Variants in VPS13D observed in about 807,000 individuals in gnomAD.
VPS13D encodes the protein intermembrane lipid transfer protein VPS13D.
A neutral mutation model predicts 461.9 loss-of-function variants in VPS13D; 187 were observed. The observed-to-expected ratio is 0.40, with a 90% CI of 0.36 to 0.46. The LOEUF is 0.46. VPS13D is among the 20% of genes least tolerant of loss of function. VPS13D has a pLI of 0.60. For missense variants in VPS13D, 4,711 were observed against 5,364.9 expected (o/e 0.88, Z 3.81); for synonymous variants, 1,951 against 1,986.3 (o/e 0.98, Z 0.47).
rs984685339 is a variant in VPS13D at position 12,345,479 on chromosome 1, A to G, written c.8991A>G (p.Ala2997=). Residue 2997 remains alanine (A), a synonymous_variant, in exon 43 of 70, where the codon GCA becomes GCG. Transcript: ENST00000620676. Reference sequence around the variant, plus strand: ...AAGTCGGGACCTTTTTTCGATATGCAGCACCAGATAAAAATTCATCTTCCT... The same window carrying G: ...AAGTCGGGACCTTTTTTCGATATGCGGCACCAGATAAAAATTCATCTTCCT... ...VDKVGTFFRY[A]APDKNSSSST... 2.5e-6 allele frequency: 4 copies of G among 1,613,518 alleles called. No individual in the cohort carries two copies. The East Asian group carries it at 8.9e-5, about 36-fold the overall frequency.
At chr1:12,363,307 T>G in intron 52 of VPS13D, 60 bp downstream of exon 52, 13 of 1,517,062 alleles carry the variant, frequency 8.6e-6, no homozygotes, top group South Asian at 2.4e-5. Context: ...TGCAGTACTG[T>G]AATAACAAGC....
chr1:12,260,248 A>G (rs922237728), intron 10 of VPS13D, among the ~76,000 whole-genome samples: 4 of 151,718 alleles, frequency 2.6e-5, no homozygotes, highest in Admixed American at 1.3e-4. Context: ...GATGGTCTCA[A>G]TCTCCTGACC....
chr1:12,374,230 A>T (rs1223173409), intron 55 of VPS13D, among the ~76,000 whole-genome samples: 1 of 152,248 alleles, frequency 6.6e-6, no homozygotes, highest in Non-Finnish European at 1.5e-5. Context: ...ATTTCACTTG[A>T]TAAGGATGAC....
chr1:12,417,503 C>T (rs1284360002), intron 65 of VPS13D, among the ~76,000 whole-genome samples: 3 of 152,198 alleles, frequency 2.0e-5, no homozygotes, highest in African/African-American at 7.2e-5. Context: ...CATCTCAACA[C>T]ACTTTTCTTG....
At chr1:12,352,652 G>A (rs1643821555) in intron 46 of VPS13D, among the ~76,000 whole-genome samples, 1 of 152,156 alleles carries the variant, frequency 6.6e-6, no homozygotes, top group African/African-American at 2.4e-5. Context: ...TTGGAGAAAT[G>A]TGTGGCAATT....
chr1:12,367,241 G>C (rs901560373), intron 52 of VPS13D, among the ~76,000 whole-genome samples: 2 of 152,158 alleles, frequency 1.3e-5, no homozygotes, highest in East Asian at 3.8e-4. Context: ...GTGATTTCCT[G>C]TCTGTAGATT....
At chr1:12,400,960 G>GCCCA (rs1348890891) in intron 61 of VPS13D, among the ~76,000 whole-genome samples, 1 of 130,964 alleles carries the variant, frequency 7.6e-6, no homozygotes, top group South Asian at 2.6e-4. Flanking sequence ...ACCTGCGCGC[G>GCCCA]CGCACACACA....
chr1:12,497,395 T>C, intron 67 of VPS13D, 105 bp from the exon 68 acceptor site: 1 of 1,371,058 alleles, frequency 7.3e-7, no homozygotes, highest in Non-Finnish European at 9.9e-7. Context: ...TCACTAAATG[T>C]AAAGTATGTC....
Position 12,499,715 on chromosome 1 carries a change from T to A in VPS13D, c.12794+2084T>A, listed in dbSNP as rs531890170. Reference sequence around the variant, plus strand: ...TTGTGGGTTAAATCTTGCCAATGAATGCTGAAGGAGGCACGTGACCACGGC... The same window carrying A: ...TTGTGGGTTAAATCTTGCCAATGAAAGCTGAAGGAGGCACGTGACCACGGC... On this transcript the variant is annotated intron_variant, in intron 68 of 69. Coordinates refer to ENST00000620676, the MANE Select transcript of VPS13D (RefSeq NM_015378.4). 219 of 985,426 alleles carry A rather than the reference T, an allele frequency of 2.2e-4. 1 individual carries two copies. In the African/African-American group the frequency reaches 3.6e-3, roughly 16 times the overall value. The allele number at this position is 985,426 out of a possible 1,614,324, so 61.0% of individuals were successfully genotyped here.
intron 51 of VPS13D, 52 bp from the exon 52 acceptor site, chr1:12,363,018 CTT>C: frequency 6.2e-7 from 1 of 1,601,920 alleles, no homozygotes; most frequent in Non-Finnish European, 8.5e-7. Flanking sequence ...CTCAGTAACA[CTT>C]ATTGTCATGA....
In VPS13D at chr1:12,272,865, C is replaced by T. The variant is rs565636499; in HGVS notation, c.2104-138C>T. 6.9e-5 allele frequency: 85 copies of T among 1,233,498 alleles called. No individual in the cohort carries two copies. In the African/African-American group the frequency reaches 1.1e-3, roughly 16 times the overall value. The allele number at this position is 1,233,498 out of a possible 1,614,324, so 76.4% of individuals were successfully genotyped here. A position where few individuals can be genotyped will look rare whatever the true frequency, so the allele number is the denominator to read the frequency against. Reference sequence around the variant, plus strand: ...CTCAAGCATTTACATCTACTTTTGTCTTAGACTTTTTGCTGTAATACATTA... The same window carrying T: ...CTCAAGCATTTACATCTACTTTTGTTTTAGACTTTTTGCTGTAATACATTA... On this transcript the variant is annotated intron_variant, in intron 17 of 69. Coordinates refer to ENST00000620676, the MANE Select transcript of VPS13D (RefSeq NM_015378.4).
chr1:12,373,013 C>T (rs1644143061), intron 54 of VPS13D, among the ~76,000 whole-genome samples: 1 of 150,290 alleles, frequency 6.7e-6, no homozygotes, highest in Non-Finnish European at 1.5e-5. Context: ...TGATTTCTTG[C>T]CAAGACTTGG....
intron 65 of VPS13D, among the ~76,000 whole-genome samples, chr1:12,451,832 GAAGTCA>G (rs1195481340): frequency 6.6e-6 from 1 of 152,196 alleles, no homozygotes; most frequent in Admixed American, 6.5e-5. Flanking sequence ...TGCATATAAA[GAAGTCA>G]AAGTTTAGAT....
Position 12,369,466 on chromosome 1 carries a change from G to C in VPS13D, c.10573-1G>C. 6.2e-7 allele frequency: 1 copy of C among 1,614,058 alleles called. No individual in the cohort carries two copies. Among genetic ancestry groups the C allele is most frequent in the South Asian group, 1.1e-5 (1 of 91,054 alleles). The stretch of plus-strand genomic sequence containing the variant: ...CTTTGTCCTCTCTGCCATCACTCTA[G>C]GTCCCGGTTGTCTTTACTCAGCATG... On this transcript the variant is annotated splice_acceptor_variant, in intron 53 of 69. Coordinates refer to ENST00000620676, the MANE Select transcript of VPS13D (RefSeq NM_015378.4). LOFTEE classifies it high-confidence loss of function.
intron 24 of VPS13D, among the ~76,000 whole-genome samples, chr1:12,295,222 C>CAAAA (rs112447551): frequency 1.4e-5 from 1 of 72,962 alleles, no homozygotes; most frequent in Non-Finnish European, 3.4e-5. Context: ...CACCATGACT[C>CAAAA]AAAAAAAAAA....
rs772562383 is a variant in VPS13D, at chr1:12,277,499, C to T, written c.3911C>T (p.Thr1304Met). ...NHSAKFLKEL[T>M]LSMDELEENF... Reference sequence around the variant, plus strand: ...TCTGCTAAGTTTTTGAAGGAGTTGACGTTATCCATGGATGAACTGGAAGAA... The same window carrying T: ...TCTGCTAAGTTTTTGAAGGAGTTGATGTTATCCATGGATGAACTGGAAGAA... The change falls in exon 19 of 70, where the codon ACG (threonine) becomes ATG (methionine). Residue 1304 changes from threonine to methionine, a missense_variant. This residue lies in a region of VPS13D where 4,411 missense variants were observed against 4,937.8 expected (regional missense o/e 0.89). Coordinates refer to ENST00000620676, the MANE Select transcript of VPS13D (RefSeq NM_015378.4). The T allele has an allele frequency of 5.6e-6, 9 of 1,614,084 alleles. No individual in the cohort carries two copies. Among genetic ancestry groups the T allele is most frequent in the South Asian group, 4.4e-5 (4 of 91,080 alleles).
intron 21 of VPS13D, among the ~76,000 whole-genome samples, chr1:12,284,012 G>A (rs917937122): frequency 5.3e-5 from 8 of 152,134 alleles, no homozygotes; most frequent in South Asian, 2.1e-4. Context: ...TCTCTGAACC[G>A]TAGTTTCCTC....
chr1:12,342,690 G>C (rs1643596236), intron 41 of VPS13D: 1 of 470,662 alleles, frequency 2.1e-6, no homozygotes, highest in Non-Finnish European at 3.7e-6. Context: ...ACAGCTTTCA[G>C]CTGTTTCTAA....
At chr1:12,420,441 C>A (rs1342764583) in intron 65 of VPS13D, among the ~76,000 whole-genome samples, 1 of 152,202 alleles carries the variant, frequency 6.6e-6, no homozygotes, top group African/African-American at 2.4e-5. Flanking sequence ...GGGGACAGAA[C>A]TGCACCTCAT....
Sources: gnomAD v4.1 joint callset for allele counts (sites outside exome capture counted in the v4.1 genomes callset) on GRCh38, gnomAD v4.1.1 for gene constraint, gnomAD v4.1.1 regional missense constraint, MANE v1.5 for transcripts, NCBI Gene and HGNC (gene_info 2026-07-23, HGNC 2026-07-21) for gene names.